The following ATP6V0D2 variants were observed in gnomAD, a reference collection of about 807,000 sequenced individuals.
The protein encoded by ATP6V0D2 is ATPase H+ transporting V0 subunit d2, also known as V-type proton ATPase subunit d 2.
Under a neutral mutation model 40.0 loss-of-function variants are expected in ATP6V0D2, and 40 were observed. The observed-to-expected ratio is 1.00, with a 90% CI of 0.78 to 1.30. The LOEUF (loss-of-function observed/expected upper bound fraction) is 1.30, where lower values mean the gene tolerates loss of function less well. Ranked by LOEUF, ATP6V0D2 falls within the 50% of genes most tolerant of loss-of-function variation. The pLI, the probability that ATP6V0D2 is intolerant of heterozygous loss-of-function variation, is 0.00. For missense variants in ATP6V0D2, 470 were observed against 423.1 expected, an observed-to-expected ratio of 1.11 and a Z score of -0.97; for synonymous variants, 179 against 156.3, an observed-to-expected ratio of 1.15 and a Z score of -1.08.
At position 86,150,222 on chromosome 8, in the gene ATP6V0D2, G is replaced by A. The variant is rs762759407; in HGVS notation, c.750G>A (p.Glu250=). 1 of 1,613,232 alleles carries A rather than the reference G, an allele frequency of 6.2e-7. No homozygotes were observed. ...CAACCTTCGGCAAACTCTATCCTGA[G>A]GGGTTGCGGCTGTTGGCTCAAGCAG... ...LYPTFGKLYP[E]GLRLLAQAED... is the part of the protein sequence containing the mutation. The change falls in exon 6 of 8, where the codon GAG becomes GAA. Residue 250 remains glutamate, a synonymous_variant. Transcript: ENST00000285393.
Position 86,150,266 on chromosome 8 carries a change from A to G in ATP6V0D2, c.794A>G (p.Lys265Arg). 6.2e-7 allele frequency: 1 copy of G among 1,613,320 alleles called. No homozygotes were observed. The highest frequency in any genetic ancestry group is 1.1e-5 in the South Asian group (1 of 91,024). ...CAAGCAGAAGACTTTGACCAGATGA[A>G]GAACGTAGCGGATCATTACGGAGTA... Reference protein sequence around the residue: ...LAQAEDFDQMKNVADHYGVYK... With the variant: ...LAQAEDFDQMRNVADHYGVYK... The change falls in exon 6 of 8, where the codon AAG becomes AGG. Residue 265 changes from lysine to arginine, a missense_variant. Transcript: ENST00000285393.
At position 86,151,536 on chromosome 8, in the gene ATP6V0D2, G is replaced by T. The variant is rs370400701; in HGVS notation, c.887G>T (p.Arg296Leu). 2 of 1,604,332 alleles carry T rather than the reference G, an allele frequency of 1.2e-6. No individual in the cohort carries two copies. The highest frequency in any genetic ancestry group is 1.7e-6 in the Non-Finnish European group (2 of 1,175,176). ...ACATTGGAGGACGTGTTTTACGAGC[G>T]TGAGGTATGATATAAGTGGAAATAC... ...GKTLEDVFYEREVQMNVLAFN... is the reference protein window; with the variant it reads ...GKTLEDVFYELEVQMNVLAFN... The change falls in exon 7 of 8, where the codon CGT (arginine) becomes CTT (leucine). Residue 296 changes from arginine to leucine, a missense_variant. Transcript: ENST00000285393.
intron 2 of ATP6V0D2, among the ~76,000 whole-genome samples, chr8:86,138,351 T>G (rs2130269565): frequency 6.6e-6 from 1 of 152,374 alleles, no homozygotes; most frequent in Admixed American, 6.5e-5. Context: ...TAATTTATTT[T>G]GCATAGCATG....
Position 86,113,799 on chromosome 8 carries a change from T to A in ATP6V0D2, c.221T>A (p.Met74Lys), listed in dbSNP as rs1357693868. 2 of 1,613,898 alleles carry A rather than the reference T, an allele frequency of 1.2e-6. No homozygotes were observed. Among genetic ancestry groups the A allele is most frequent in the Non-Finnish European group, 1.7e-6 (2 of 1,179,940 alleles). Residue 74 changes from methionine (M) to lysine (K), a missense_variant, in exon 2 of 8, where the codon ATG becomes AAG. Transcript: ENST00000285393. ...PLTVSKIDTE[M>K]RKRLCGEFEY... ...ACTGTTTCCAAAATTGACACTGAGA[T>A]GAGGAAAAGACTATGTGGAGAATTT... is the stretch of plus-strand genomic sequence containing the variant.
chr8:86,126,362 T>C (rs980252099), intron 2 of ATP6V0D2, among the ~76,000 whole-genome samples: 1 of 150,094 alleles, frequency 6.7e-6, no homozygotes, highest in Non-Finnish European at 1.5e-5. Context: ...GCACAGATCA[T>C]CCCATCACCT....
chr8:86,118,041 TTTC>T, intron 2 of ATP6V0D2, among the ~76,000 whole-genome samples: 1 of 150,984 alleles, frequency 6.6e-6, no homozygotes, highest in East Asian at 1.9e-4. Context: ...TTTTTCTTTC[TTTC>T]TTCTTTCTTT....
intron 2 of ATP6V0D2, among the ~76,000 whole-genome samples, chr8:86,138,375 G>C (rs1051437568): frequency 1.3e-5 from 2 of 152,214 alleles, no homozygotes; most frequent in African/African-American, 4.8e-5. Flanking sequence ...GCCCTATTGT[G>C]ATTTGTTGTA....
chr8:86,108,100 A>G lies in ATP6V0D2; in HGVS notation c.131-5609A>G, dbSNP rs571365454. Among the ~76,000 whole-genome samples the G allele has an allele frequency of 3.9e-3, 600 of 152,268 alleles. 5 individuals carry two copies. Among genetic ancestry groups the G allele is most frequent in the Non-Finnish European group, 7.2e-3 (490 of 68,004 alleles). ...AACAATATTTTGTGGTGGATTCTCT[A>G]TGCTGGCTCTTTACCTACCTGAATC... On this transcript the variant is annotated intron_variant, in intron 1 of 7. Coordinates refer to ENST00000285393, the MANE Select transcript of ATP6V0D2 (RefSeq NM_152565.1).
Position 86,142,942 on chromosome 8 carries a change from T to C in ATP6V0D2, c.627T>C (p.Cys209=). 1 of 1,609,210 alleles carries C rather than the reference T, an allele frequency of 6.2e-7. No homozygotes were observed. The highest frequency in any genetic ancestry group is 1.1e-5 in the South Asian group (1 of 90,536). Residue 209 remains cysteine (C), a synonymous_variant, in exon 5 of 8, where the codon TGT becomes TGC. Coordinates refer to ENST00000285393, the MANE Select transcript of ATP6V0D2 (RefSeq NM_152565.1). ...GTGATGTCACAGCAGAAGTTATGTG[T>C]CCCATTCTTGAGGTAAGAAAGAGTC... ...NHGDVTAEVM[C]PILEFEADRR...
rs60590702 is a variant in ATP6V0D2 at position 86,126,236 on chromosome 8, CTATATATATATATA to C, written c.302+12370_302+12383del. On this transcript the variant is annotated intron_variant, in intron 2 of 7. Coordinates refer to ENST00000285393, the MANE Select transcript of ATP6V0D2 (RefSeq NM_152565.1). ...ATAGGCGTGAACTACCGTGCTCAGC[CTATATATATATATA>C]TATATATATATATCTTTTTGTATAT... 8.9e-4 allele frequency among the ~76,000 whole-genome samples: 69 copies of C among 77,150 alleles called. 4 individuals carry two copies. The highest frequency in any genetic ancestry group is 2.3e-3 in the Admixed American group (16 of 6,852). The allele number at this position is 77,150 out of a possible 152,430, so 50.6% of individuals were successfully genotyped here.
At chr8:86,152,641 T>A (rs1819173260) in intron 7 of ATP6V0D2, among the ~76,000 whole-genome samples, 175 bp from the exon 8 acceptor site, 2 of 152,234 alleles carry the variant, frequency 1.3e-5, no homozygotes, top group Non-Finnish European at 2.9e-5. Context: ...AGAGTGACAC[T>A]CTCTCTTTAG....
At chr8:86,127,391 C>T (rs1027717470) in intron 2 of ATP6V0D2, among the ~76,000 whole-genome samples, 3 of 151,732 alleles carry the variant, frequency 2.0e-5, no homozygotes, top group Admixed American at 6.6e-5. Flanking sequence ...CAATGAAACT[C>T]GTAAATGAAA....
At chr8:86,100,179 T>C (rs992970613) in intron 1 of ATP6V0D2, among the ~76,000 whole-genome samples, 4 of 152,022 alleles carry the variant, frequency 2.6e-5, no homozygotes, top group African/African-American at 9.7e-5. Context: ...TTATAATAAA[T>C]AAATACTCAA....
chr8:86,114,670 A>AAAAAC (rs1444102283), intron 2 of ATP6V0D2, among the ~76,000 whole-genome samples: 2 of 108,222 alleles, frequency 1.8e-5, no homozygotes, highest in African/African-American at 6.3e-5. Flanking sequence ...ACTCTATCTC[A>AAAAAC]AAAATAAAAT....
At chr8:86,151,428 A>C in intron 6 of ATP6V0D2, 38 bp from the exon 7 acceptor site, 1 of 1,355,918 alleles carries the variant, frequency 7.4e-7, no homozygotes, top group Non-Finnish European at 1.0e-6. Context: ...TTTATAAGAA[A>C]TGAAAATGTC....
chr8:86,116,685 G>A (rs1818595195), intron 2 of ATP6V0D2, among the ~76,000 whole-genome samples: 2 of 151,986 alleles, frequency 1.3e-5, no homozygotes, highest in East Asian at 1.9e-4. Context: ...TGGTATGGCC[G>A]TAGATCAATT....
At chr8:86,138,618 G>A (rs1453128552) in intron 2 of ATP6V0D2, among the ~76,000 whole-genome samples, 4 of 152,218 alleles carry the variant, frequency 2.6e-5, no homozygotes, top group East Asian at 1.9e-4. Flanking sequence ...ATGTGAGGAA[G>A]GTGGCCTAGA....
intron 1 of ATP6V0D2, among the ~76,000 whole-genome samples, chr8:86,106,488 G>T (rs1306975902): frequency 6.6e-6 from 1 of 152,110 alleles, no homozygotes; most frequent in Non-Finnish European, 1.5e-5. Flanking sequence ...TCACTGGGAG[G>T]ATCCAAAATA....
intron 5 of ATP6V0D2, among the ~76,000 whole-genome samples, chr8:86,147,391 A>G (rs2129641855): frequency 6.6e-6 from 1 of 152,324 alleles, no homozygotes; most frequent in East Asian, 1.9e-4. Context: ...TAACATGAGT[A>G]AGTTTTTATA....
Sources: allele counts gnomAD v4.1 joint callset (sites outside exome capture counted in the v4.1 genomes callset), GRCh38; gene constraint gnomAD v4.1.1; transcripts MANE v1.5; gene names NCBI Gene and HGNC (gene_info 2026-07-23, HGNC 2026-07-21).